CAPS2: variants seen among roughly 807,000 people sequenced by gnomAD.
The protein encoded by CAPS2 is calcyphosin-2.
A neutral mutation model predicts 86.5 loss-of-function variants in CAPS2; 98 were observed. The observed-to-expected ratio is 1.13, with a 90% CI of 0.96 to 1.34. CAPS2 has a LOEUF of 1.34. Ranked by LOEUF, CAPS2 falls within the 40% of genes most tolerant of loss-of-function variation. The pLI is 0.00. For synonymous variants in CAPS2, 210 were observed against 225.1 expected, an observed-to-expected ratio of 0.93 and a Z score of 0.60; for missense variants, 729 against 686.8, an observed-to-expected ratio of 1.06 and a Z score of -0.69.
At chr12:75,300,033 G>GT (rs763822237) in intron 8 of CAPS2, 122 bp from the exon 9 acceptor site, 41 of 434,504 alleles carry the variant, frequency 9.4e-5, no homozygotes, top group Non-Finnish European at 1.5e-4. Flanking sequence ...AACAATAAAG[G>GT]TAAAAAAAAA....
rs372071685 is a variant in CAPS2, at chr12:75,352,564, AC to A, written c.-394-29343del. Among the ~76,000 whole-genome samples, 171 of 152,326 alleles carry A rather than the reference AC, an allele frequency of 1.1e-3. 1 individual carries two copies. The highest frequency in any genetic ancestry group is 3.6e-3 in the African/African-American group (151 of 41,576). On this transcript the variant is annotated intron_variant, in intron 1 of 5. Transcript: ENST00000551829. ...CACACAATAATAGTGGAAGATTTTA[AC>A]ACCCCACTGTCAATATTAGCCAGAT...
chr12:75,284,163 A>G (rs911828064), intron 15 of CAPS2, among the ~76,000 whole-genome samples: 2 of 152,214 alleles, frequency 1.3e-5, no homozygotes, highest in Admixed American at 6.6e-5. Flanking sequence ...AAGGACATGG[A>G]AAGTACGAAT....
chr12:75,324,456 T>C (rs187070872), intron 2 of CAPS2, among the ~76,000 whole-genome samples: 1 of 152,304 alleles, frequency 6.6e-6, no homozygotes, highest in East Asian at 1.9e-4. Flanking sequence ...AATAAACTTA[T>C]AATACACCTT....
At chr12:75,284,356 T>C (rs2034504613) in intron 15 of CAPS2, among the ~76,000 whole-genome samples, 1 of 152,162 alleles carries the variant, frequency 6.6e-6, no homozygotes, top group Non-Finnish European at 1.5e-5. Flanking sequence ...TAACTATAGT[T>C]CTCAAAAGTA....
chr12:75,350,983 C>T (rs1197131422), intron 1 of CAPS2, among the ~76,000 whole-genome samples: 8 of 152,118 alleles, frequency 5.3e-5, no homozygotes, highest in Admixed American at 5.2e-4. Flanking sequence ...ACCAGAATAA[C>T]CAGTTTAGAG....
chr12:75,369,174 A>G (rs1253830713), intron 1 of CAPS2, among the ~76,000 whole-genome samples: 3 of 151,998 alleles, frequency 2.0e-5, no homozygotes, highest in African/African-American at 7.2e-5. Context: ...TTAAATACAC[A>G]AAATTATTTG....
intron 11 of CAPS2, among the ~76,000 whole-genome samples, chr12:75,294,209 G>A (rs957926607): frequency 1.3e-5 from 2 of 152,056 alleles, no homozygotes; most frequent in African/African-American, 2.4e-5. Context: ...CTCCCAAAGC[G>A]CTGGGATTAC....
intron 1 of CAPS2, among the ~76,000 whole-genome samples, chr12:75,365,876 C>G (rs546416049): frequency 6.6e-6 from 1 of 152,180 alleles, no homozygotes; most frequent in South Asian, 2.1e-4. Flanking sequence ...ACCAACAATA[C>G]CAAATGTCTT....
Position 75,350,980 on chromosome 12 carries a change from T to C in CAPS2, c.-394-27758A>G, listed in dbSNP as rs544819670. Among the ~76,000 whole-genome samples, 23 of 152,286 alleles carry C rather than the reference T, an allele frequency of 1.5e-4. No individual in the cohort carries two copies. The South Asian group carries it at 4.6e-3, about 30-fold the overall frequency. ...ATATTACAGGAGCTGTTAACCAGAA[T>C]AACCAGTTTAGAGAGGAACATAAAT... On this transcript the variant is annotated intron_variant, in intron 1 of 5. Coordinates refer to the CAPS2 transcript ENST00000551829.
At chr12:75,357,940 T>C (rs2043258978) in intron 1 of CAPS2, among the ~76,000 whole-genome samples, 1 of 142,656 alleles carries the variant, frequency 7.0e-6, no homozygotes, top group South Asian at 2.2e-4. Flanking sequence ...CCTAAGAAAC[T>C]AGGGGACAAA....
chr12:75,356,315 C>T (rs1465444768), intron 1 of CAPS2, among the ~76,000 whole-genome samples: 1 of 151,954 alleles, frequency 6.6e-6, no homozygotes, highest in Non-Finnish European at 1.5e-5. Context: ...TTATAGATGA[C>T]TGGAGATGAT....
chr12:75,300,035 A>T (rs1221348395), intron 8 of CAPS2, 124 bp from the exon 9 acceptor site: 1 of 422,618 alleles, frequency 2.4e-6, no homozygotes, highest in Non-Finnish European at 4.3e-6. Flanking sequence ...CAATAAAGGT[A>T]AAAAAAAACT....
At chr12:75,387,553 C>T (rs1483126630) in intron 1 of CAPS2, among the ~76,000 whole-genome samples, 1 of 151,974 alleles carries the variant, frequency 6.6e-6, no homozygotes, top group Non-Finnish European at 1.5e-5. Flanking sequence ...TAATGTTGCT[C>T]ATAAGAAAAT....
rs555876843 is a variant in CAPS2, at chr12:75,289,853, A to C, written c.1241-78T>G. The C allele has an allele frequency of 1.4e-4, 146 of 1,052,330 alleles. 3 individuals carry two copies. The South Asian group carries it at 2.0e-3, about 15-fold the overall frequency. 65.2% of individuals were successfully genotyped at this position (1,052,330 alleles called of 1,614,324 possible). A position where few individuals can be genotyped will look rare whatever the true frequency, so the allele number is the denominator to read the frequency against. On this transcript the variant is annotated intron_variant, in intron 13 of 16. Coordinates refer to ENST00000393284, the Ensembl canonical transcript of CAPS2. ...AAAGCCGCAGTTATCTTTCATAAGA[A>C]AATTAAAGTTGATGTAACTGAAATA... is the stretch of plus-strand genomic sequence containing the variant.
chr12:75,347,876 G>T (rs1033320030), intron 1 of CAPS2, among the ~76,000 whole-genome samples: 3 of 151,862 alleles, frequency 2.0e-5, no homozygotes, highest in African/African-American at 7.3e-5. Context: ...AATAGAAGAT[G>T]GTGACAGAAT....
intron 1 of CAPS2, chr12:75,369,866 A>G (rs2044244570): frequency 2.3e-6 from 3 of 1,332,366 alleles, no homozygotes; most frequent in Non-Finnish European, 1.9e-6. Flanking sequence ...AATTTTTGTT[A>G]GTTGATTGTC....
intron 7 of CAPS2, among the ~76,000 whole-genome samples, chr12:75,308,705 G>GT (rs1243704909): frequency 6.6e-6 from 1 of 152,036 alleles, no homozygotes; most frequent in African/African-American, 2.4e-5. Flanking sequence ...GGAATTAAAA[G>GT]TTGGATAAAG....
intron 1 of CAPS2, among the ~76,000 whole-genome samples, chr12:75,335,769 T>C (rs146395228): frequency 4.9e-4 from 75 of 152,216 alleles, no homozygotes; most frequent in African/African-American, 1.8e-3. Context: ...ATCTCTTTAA[T>C]GCAGAATTGT....
At chr12:75,322,482 A>G (rs1265177268) in intron 4 of CAPS2, among the ~76,000 whole-genome samples, 4 of 152,204 alleles carry the variant, frequency 2.6e-5, no homozygotes, top group African/African-American at 9.6e-5. Context: ...AACTAAGAAC[A>G]TGAATAGAGT....
Sources: allele counts gnomAD v4.1 joint callset (sites outside exome capture counted in the v4.1 genomes callset), GRCh38; gene constraint gnomAD v4.1.1; transcripts MANE v1.5; gene names NCBI Gene and HGNC (gene_info 2026-07-23, HGNC 2026-07-21).